The following TACC1 variants were observed in gnomAD, a reference collection of about 807,000 sequenced individuals.
TACC1 encodes the protein transforming acidic coiled-coil containing protein 1.
A neutral mutation model predicts 84.4 loss-of-function variants in TACC1; 48 were observed. The observed-to-expected ratio is 0.57, with a 90% CI of 0.45 to 0.72. The LOEUF is 0.72. Ranked by LOEUF, TACC1 falls within the 30% of genes least tolerant of loss-of-function variation. The pLI, the probability that TACC1 is intolerant of heterozygous loss-of-function variation, is 0.00. For synonymous variants in TACC1, 372 were observed against 376.3 expected, an observed-to-expected ratio of 0.99 and a Z score of 0.13; for missense variants, 920 against 973.0, an observed-to-expected ratio of 0.95 and a Z score of 0.72.
chr8:38,827,352 A>C lies in TACC1; in HGVS notation c.1637A>C (p.His546Pro). Residue 546 changes from histidine to proline, a missense_variant, in exon 5 of 13, where the codon CAT (histidine) becomes CCT (proline). This residue lies in a region of TACC1 where 762 missense variants were observed against 747.3 expected (regional missense o/e 1.02). Coordinates refer to ENST00000317827, the MANE Select transcript of TACC1 (RefSeq NM_006283.3). ...AATGTTCCTGTGTCTACCATAAATC[A>C]TGCGTTTTCATCCTCAGAAGCAGGT... is the stretch of plus-strand genomic sequence containing the variant. ...CSNVPVSTIN[H>P]AFSSSEAGIE... 6.2e-7 allele frequency: 1 copy of C among 1,614,198 alleles called. No individual in the cohort carries two copies.
intron 2 of TACC1, among the ~76,000 whole-genome samples, chr8:38,804,187 G>T (rs1822099312): frequency 6.6e-6 from 1 of 152,024 alleles, no homozygotes; most frequent in South Asian, 2.1e-4. Flanking sequence ...TATTTTATTT[G>T]TTCTAAATTT....
chr8:38,787,779 G>C (rs750112086), intron 1 of TACC1, 36 bp downstream of exon 1: 4 of 1,477,278 alleles, frequency 2.7e-6, no homozygotes, highest in South Asian at 1.3e-5. Context: ...ATGCAGACGC[G>C]CTTGCCTCCA....
At chr8:38,776,873 T>C (rs1814898893) in intron 3 of TACC1, among the ~76,000 whole-genome samples, 1 of 152,174 alleles carries the variant, frequency 6.6e-6, no homozygotes, top group Admixed American at 6.5e-5. Context: ...GAAGCTTAGA[T>C]GCTGAAATCC....
At chr8:38,829,784 A>G (rs1828851821) in intron 5 of TACC1, among the ~76,000 whole-genome samples, 1 of 152,210 alleles carries the variant, frequency 6.6e-6, no homozygotes, top group Non-Finnish European at 1.5e-5. Flanking sequence ...AGCAAGGGGA[A>G]CATATTTAAA....
chr8:38,845,974 A>G (rs1400707382), intron 11 of TACC1, among the ~76,000 whole-genome samples: 1 of 152,124 alleles, frequency 6.6e-6, no homozygotes, highest in Non-Finnish European at 1.5e-5. Context: ...ATGGCTGTTC[A>G]TCAACTGACA....
intron 2 of TACC1, among the ~76,000 whole-genome samples, chr8:38,806,028 A>G (rs1822612673): frequency 6.6e-6 from 1 of 152,142 alleles, no homozygotes; most frequent in Non-Finnish European, 1.5e-5. Flanking sequence ...CTTGCTTAGT[A>G]TAAGACATAT....
intron 3 of TACC1, among the ~76,000 whole-genome samples, chr8:38,779,086 C>A (rs1242275408): frequency 9.2e-5 from 14 of 151,750 alleles, no homozygotes; most frequent in Non-Finnish European, 1.5e-5. Flanking sequence ...CTCAAGCGAT[C>A]CTCCTGGGCT....
intron 3 of TACC1, among the ~76,000 whole-genome samples, chr8:38,753,127 T>C (rs1484943631): frequency 6.6e-6 from 1 of 152,216 alleles, no homozygotes; most frequent in Admixed American, 6.5e-5. Flanking sequence ...GGAGACAGAC[T>C]ATCGCTGTGT....
intron 3 of TACC1, among the ~76,000 whole-genome samples, chr8:38,754,784 T>C (rs1282113639): frequency 2.6e-5 from 4 of 152,258 alleles, no homozygotes; most frequent in Non-Finnish European, 4.4e-5. Context: ...ATGTCTACCA[T>C]GTGTCAACAT....
intron 3 of TACC1, among the ~76,000 whole-genome samples, chr8:38,752,106 G>A (rs1050178490): frequency 1.2e-4 from 19 of 152,110 alleles, no homozygotes; most frequent in Admixed American, 3.3e-4. Context: ...GATGTATTTC[G>A]CAATCTTATA....
rs1826322800 is a variant in TACC1, at chr8:38,820,005, T to C, written c.761T>C (p.Val254Ala). The C allele has an allele frequency of 1.2e-6, 2 of 1,614,034 alleles. No homozygotes were observed. The highest frequency in any genetic ancestry group is 2.2e-5 in the South Asian group (2 of 91,088). Residue 254 changes from valine to alanine, a missense_variant, in exon 3 of 13, where the codon GTG becomes GCG. Physicochemically the swap from Val to Ala is moderately conservative, Grantham distance 64. Around this residue, in one of 2 missense-constraint regions of TACC1, gnomAD observed 762 missense variants for 747.3 expected, o/e 1.02. Coordinates refer to ENST00000317827, the MANE Select transcript of TACC1 (RefSeq NM_006283.3). The stretch of plus-strand genomic sequence containing the variant: ...GAGTTCTCAGACACCAACGCTGCTG[T>C]GGAGGGCACACCTCTCCCCAAGGCA... ...GGEFSDTNAA[V>A]EGTPLPKASY...
rs556992803 is a variant in TACC1 at position 38,802,933 on chromosome 8, C to T, written c.277+14114C>T. 2.0e-5 allele frequency among the ~76,000 whole-genome samples: 3 copies of T among 152,328 alleles called. No individual in the cohort carries two copies. In the South Asian group the frequency reaches 6.2e-4, roughly 32 times the overall value. Reference sequence around the variant, plus strand: ...CTCCCACTAGGCCTCACCTACAACACTGGGAATCAAATTTTAACATGAGAT... The same window carrying T: ...CTCCCACTAGGCCTCACCTACAACATTGGGAATCAAATTTTAACATGAGAT... On this transcript the variant is annotated intron_variant, in intron 2 of 12. Coordinates refer to ENST00000317827, the MANE Select transcript of TACC1 (RefSeq NM_006283.3).
At chr8:38,845,027 TG>T (rs1202837606) in intron 11 of TACC1, 2 of 152,236 alleles carry the variant, frequency 1.3e-5, no homozygotes, top group African/African-American at 4.8e-5. Context: ...TGGGTTCAAG[TG>T]ACTCTCCTGC....
intron 11 of TACC1, 30 bp downstream of exon 11, chr8:38,843,425 C>T: frequency 6.6e-7 from 1 of 1,521,918 alleles, no homozygotes; most frequent in Non-Finnish European, 9.0e-7. Context: ...GAATTTCACT[C>T]TTCATGATGT....
At chr8:38,783,102 CTATCTATATA>C (rs1376423679), upstream of TACC1, among the ~76,000 whole-genome samples, 1,169 of 97,176 alleles carry the variant, frequency 0.012, 17 homozygotes, top group African/African-American at 0.037. Context: ...ATCTATCTAT[CTATCTATATA>C]TATATATATA....
intron 6 of TACC1, among the ~76,000 whole-genome samples, chr8:38,835,824 C>A (rs1015479104): frequency 6.6e-6 from 1 of 152,118 alleles, no homozygotes; most frequent in African/African-American, 2.4e-5. Flanking sequence ...GGAGCTTATC[C>A]CCAGAAACTT....
At chr8:38,826,394 T>G (rs1309769811) in intron 4 of TACC1, among the ~76,000 whole-genome samples, 2 of 152,204 alleles carry the variant, frequency 1.3e-5, no homozygotes, top group Non-Finnish European at 2.9e-5. Context: ...ATTAGTGCAA[T>G]AAAACATTTT....
At chr8:38,804,627 G>C (rs1341206430) in intron 2 of TACC1, among the ~76,000 whole-genome samples, 11 of 152,020 alleles carry the variant, frequency 7.2e-5, no homozygotes, top group Admixed American at 7.2e-4. Context: ...TTTTCAGATG[G>C]GTTCTCACTC....
intron 3 of TACC1, among the ~76,000 whole-genome samples, chr8:38,758,857 C>A (rs1014647070): frequency 2.0e-5 from 3 of 152,042 alleles, no homozygotes; most frequent in African/African-American, 7.3e-5. Flanking sequence ...CAAGTAACCT[C>A]TCCAAGGTCA....
Sources: allele counts gnomAD v4.1 joint callset (sites outside exome capture counted in the v4.1 genomes callset), GRCh38; gene constraint gnomAD v4.1.1; regional missense constraint gnomAD v4.1.1; transcripts MANE v1.5; gene names NCBI Gene and HGNC (gene_info 2026-07-23, HGNC 2026-07-21).